The following ZNG1E variants were observed in gnomAD, a reference collection of about 807,000 sequenced individuals.
The protein encoded by ZNG1E is zinc-regulated GTPase metalloprotein activator 1E.
chr9:65,684,348 C>A, the ZNG1E span, among the ~76,000 whole-genome samples: 1 of 150,260 alleles, frequency 6.7e-6, no homozygotes, highest in Non-Finnish European at 1.5e-5. Flanking sequence ...ACCAGCCTAG[C>A]CAACATGGTG....
chr9:65,672,517 G>C, the ZNG1E span, among the ~76,000 whole-genome samples: 1 of 151,444 alleles, frequency 6.6e-6, no homozygotes, highest in South Asian at 2.1e-4. Flanking sequence ...AGGCTAAGGT[G>C]GATGGATCAG....
At chr9:65,664,814 T>A in the ZNG1E span, among the ~76,000 whole-genome samples, 770 of 151,880 alleles carry the variant, frequency 5.1e-3, 1 homozygote, top group African/African-American at 0.018. Context: ...AAGTCCAGGC[T>A]GAGGTGGTCT....
the ZNG1E span, among the ~76,000 whole-genome samples, chr9:65,675,099 G>A: frequency 6.6e-6 from 1 of 151,226 alleles, no homozygotes; most frequent in Admixed American, 6.6e-5. Context: ...AGAAAACAGG[G>A]AATGATCAGC....
At chr9:65,714,083 C>G in the ZNG1E span, among the ~76,000 whole-genome samples, 20 of 149,496 alleles carry the variant, frequency 1.3e-4, no homozygotes, top group South Asian at 3.9e-3. Context: ...CTAAACTTCC[C>G]TTCTTGCTTC....
At chr9:65,681,101 A>C in the ZNG1E span, among the ~76,000 whole-genome samples, 1 of 151,222 alleles carries the variant, frequency 6.6e-6, no homozygotes, top group South Asian at 2.1e-4. Flanking sequence ...AACCTTCCTT[A>C]GGATGAACTA....
At chr9:65,657,641 A>C in the ZNG1E span, among the ~76,000 whole-genome samples, 2 of 152,224 alleles carry the variant, frequency 1.3e-5, no homozygotes, top group Non-Finnish European at 2.9e-5. Flanking sequence ...GAATAAATCT[A>C]ATAGTTGCTA....
chr9:65,659,021 G>A, the ZNG1E span, among the ~76,000 whole-genome samples: 1 of 152,060 alleles, frequency 6.6e-6, no homozygotes, highest in Non-Finnish European at 1.5e-5. Flanking sequence ...AATTTTGGTG[G>A]AAAGTGGGGC....
chr9:65,668,336 A>G, the ZNG1E span, among the ~76,000 whole-genome samples: 23 of 139,982 alleles, frequency 1.6e-4, no homozygotes, highest in Non-Finnish European at 1.5e-5. Context: ...TATGTCTATT[A>G]AATTGCTCAC....
the ZNG1E span, among the ~76,000 whole-genome samples, chr9:65,710,624 C>T: frequency 6.6e-6 from 1 of 152,046 alleles, no homozygotes; most frequent in East Asian, 1.9e-4. Context: ...CCTTTCCCCA[C>T]TGCTTGTTTT....
the ZNG1E span, among the ~76,000 whole-genome samples, chr9:65,686,813 C>T: frequency 2.0e-5 from 3 of 152,226 alleles, no homozygotes; most frequent in East Asian, 1.9e-4. Flanking sequence ...GTGAACCAAC[C>T]TCTGCTACCT....
chr9:65,720,003 G>A, the ZNG1E span: 5 of 1,598,708 alleles, frequency 3.1e-6, 1 homozygote, highest in South Asian at 5.6e-5. Flanking sequence ...TAAATCAGAA[G>A]TGTATTAATC....
At chr9:65,663,773 T>G in the ZNG1E span, among the ~76,000 whole-genome samples, 6 of 151,306 alleles carry the variant, frequency 4.0e-5, no homozygotes, top group African/African-American at 1.5e-4. Flanking sequence ...ACATATTTAT[T>G]TAAAATTTTA....
the ZNG1E span, among the ~76,000 whole-genome samples, chr9:65,728,580 A>G: frequency 1.3e-5 from 2 of 148,640 alleles, no homozygotes; most frequent in Admixed American, 6.7e-5. Context: ...ATTCAAGGCT[A>G]CTATGAACAC....
At chr9:65,660,846 TA>T in the ZNG1E span, among the ~76,000 whole-genome samples, 1,606 of 142,102 alleles carry the variant, frequency 0.011, 9 homozygotes, top group African/African-American at 0.04. Flanking sequence ...TATATATATA[TA>T]TATATATAAA....
chr9:65,691,282 C>T, the ZNG1E span, among the ~76,000 whole-genome samples: 3 of 150,388 alleles, frequency 2.0e-5, no homozygotes, highest in Non-Finnish European at 4.4e-5. Context: ...GGGGTTTCGC[C>T]ATGTTGGCCT....
chr9:65,671,522 G>A, the ZNG1E span, among the ~76,000 whole-genome samples: 18,105 of 140,926 alleles, frequency 0.13, 18 homozygotes, highest in Non-Finnish European at 0.15. Context: ...GTTTTGCCAC[G>A]TTGGCCAAGC....
the ZNG1E span, among the ~76,000 whole-genome samples, chr9:65,687,458 G>A: frequency 6.6e-6 from 1 of 152,168 alleles, no homozygotes; most frequent in Non-Finnish European, 1.5e-5. Flanking sequence ...TTACTTGAAG[G>A]ATTACTTGGC....
At chr9:65,727,260 A>G in the ZNG1E span, among the ~76,000 whole-genome samples, 3 of 148,200 alleles carry the variant, frequency 2.0e-5, no homozygotes, top group Non-Finnish European at 4.4e-5. Context: ...TCCTGGAAAC[A>G]TATCAAAACA....
the ZNG1E span, among the ~76,000 whole-genome samples, chr9:65,657,937 T>A: frequency 6.6e-6 from 1 of 152,264 alleles, no homozygotes. Flanking sequence ...CCATCTCTAC[T>A]AAAAATACAA....
Sources: allele counts gnomAD v4.1 joint callset (sites outside exome capture counted in the v4.1 genomes callset), GRCh38; gene constraint gnomAD v4.1.1; transcripts MANE v1.5; gene names NCBI Gene and HGNC (gene_info 2026-07-23, HGNC 2026-07-21).